SENP7: variants seen among roughly 807,000 people sequenced by gnomAD.
SENP7 encodes SUMO specific peptidase 7, also known as sentrin-specific protease 7.
A neutral mutation model predicts 141.2 loss-of-function variants in SENP7; 64 were observed. The observed-to-expected ratio is 0.45, with a 90% CI of 0.37 to 0.56. SENP7 has a LOEUF of 0.56. Ranked by LOEUF, SENP7 falls within the 20% of genes least tolerant of loss-of-function variation. The pLI, the probability that SENP7 is intolerant of heterozygous loss-of-function variation, is 0.00. For synonymous variants in SENP7, 382 were observed against 426.4 expected, an observed-to-expected ratio of 0.90 and a Z score of 1.28; for missense variants, 1,025 against 1,212.2, an observed-to-expected ratio of 0.85 and a Z score of 2.29.
intron 6 of SENP7, among the ~76,000 whole-genome samples, chr3:101,395,968 A>C (rs2060957203): frequency 6.6e-6 from 1 of 152,210 alleles, no homozygotes; most frequent in African/African-American, 2.4e-5. Context: ...TCATCTCCTT[A>C]TATCTGCACA....
intron 4 of SENP7, among the ~76,000 whole-genome samples, chr3:101,449,332 C>A (rs530167908): frequency 2.0e-5 from 3 of 152,274 alleles, no homozygotes; most frequent in South Asian, 2.1e-4. Flanking sequence ...CCCAATCTAG[C>A]AAGGCAGGCC....
intron 12 of SENP7, among the ~76,000 whole-genome samples, chr3:101,351,315 T>C (rs538140811): frequency 4.3e-4 from 65 of 152,122 alleles, no homozygotes; most frequent in Middle Eastern, 3.4e-3. Context: ...ATTTTCCTTA[T>C]GCTTCTTTTC....
intron 4 of SENP7, among the ~76,000 whole-genome samples, chr3:101,423,688 G>T (rs2061857246): frequency 6.6e-6 from 1 of 152,202 alleles, no homozygotes; most frequent in Admixed American, 6.5e-5. Context: ...ACAGAGACTG[G>T]ATGGAGGGAA....
At chr3:101,352,407 T>C (rs995385911) in intron 11 of SENP7, among the ~76,000 whole-genome samples, 1 of 152,040 alleles carries the variant, frequency 6.6e-6, no homozygotes, top group Non-Finnish European at 1.5e-5. Context: ...ACCGTCTTCA[T>C]TCCTAGCATT....
intron 3 of SENP7, among the ~76,000 whole-genome samples, chr3:101,475,426 C>T (rs1303326004): frequency 1.3e-5 from 2 of 152,160 alleles, no homozygotes; most frequent in East Asian, 3.8e-4. Context: ...AGCTGGAAGC[C>T]GTTATCCTCA....
chr3:101,430,015 C>G (rs1463639060), intron 4 of SENP7, among the ~76,000 whole-genome samples: 1 of 151,012 alleles, frequency 6.6e-6, no homozygotes, highest in African/African-American at 2.4e-5. Flanking sequence ...GTTGAACCAG[C>G]TTTGCATCCC....
At chr3:101,360,930 A>G (rs1485210154) in intron 11 of SENP7, among the ~76,000 whole-genome samples, 2 of 152,188 alleles carry the variant, frequency 1.3e-5, no homozygotes, top group Non-Finnish European at 2.9e-5. Context: ...CTGGCTGGGC[A>G]CAGTGGCTCA....
chr3:101,507,502 CA>C (rs960256932), intron 1 of SENP7, among the ~76,000 whole-genome samples: 2 of 152,308 alleles, frequency 1.3e-5, no homozygotes, highest in Non-Finnish European at 2.9e-5. Context: ...TTTCCAAAGT[CA>C]ATACAGTTTC....
intron 6 of SENP7, among the ~76,000 whole-genome samples, chr3:101,382,574 A>C (rs2060533420): frequency 6.6e-6 from 1 of 152,234 alleles, no homozygotes; most frequent in African/African-American, 2.4e-5. Flanking sequence ...AAAAATCCCA[A>C]TGGGAAGTAA....
chr3:101,398,674 T>A (rs2061043067), intron 6 of SENP7, among the ~76,000 whole-genome samples, 187 bp downstream of exon 6: 1 of 152,170 alleles, frequency 6.6e-6, no homozygotes, highest in South Asian at 2.1e-4. Context: ...CCAGTGCTTC[T>A]GAAACACATT....
chr3:101,435,071 C>T, intron 4 of SENP7, among the ~76,000 whole-genome samples: 1 of 152,098 alleles, frequency 6.6e-6, no homozygotes, highest in East Asian at 1.9e-4. Flanking sequence ...GCTCATTCAT[C>T]ATAACCATGT....
chr3:101,476,698 C>A (rs1024223971), intron 3 of SENP7, among the ~76,000 whole-genome samples: 1 of 152,130 alleles, frequency 6.6e-6, no homozygotes, highest in African/African-American at 2.4e-5. Flanking sequence ...AAGGGTTAAA[C>A]TAACTTACAC....
chr3:101,342,970 T>C lies in SENP7; in HGVS notation c.2106+716A>G, dbSNP rs571915128. Among the ~76,000 whole-genome samples the C allele has an allele frequency of 3.9e-5, 6 of 152,262 alleles. No homozygotes were observed. In the South Asian group the frequency reaches 8.3e-4, roughly 21 times the overall value. ...TGTAAGCCACTGCGTCCGGCCAACC[T>C]TGATACTTCTAAAGAGTACTGGTCA... is the stretch of plus-strand genomic sequence containing the variant. On this transcript the variant is annotated intron_variant, in intron 14 of 23. Transcript: ENST00000394095.
Position 101,351,621 on chromosome 3 carries a change from GA to G in SENP7, c.1653del (p.Gln552LysfsTer4). 7.4e-7 allele frequency: 1 copy of G among 1,355,588 alleles called. No individual in the cohort carries two copies. Among genetic ancestry groups the G allele is most frequent in the Non-Finnish European group, 9.7e-7 (1 of 1,031,368 alleles). The allele number at this position is 1,355,588 out of a possible 1,614,324, so 84.0% of individuals were successfully genotyped here. A position where few individuals can be genotyped will look rare whatever the true frequency, so the allele number is the denominator to read the frequency against. ...TCATAAGAGAATGATAACTTACCTTGAAATGGGATCTTAATATATTTTTTTG... is the reference window on the plus strand; with the variant it reads ...TCATAAGAGAATGATAACTTACCTTGAATGGGATCTTAATATATTTTTTTG... ...TITKKYIKIPFQVSLNEISLL... is the reference protein window; with the variant it reads ...TITKKYIKIPXQVSLNEISLL... On this transcript the variant is annotated frameshift_variant, in exon 12 of 24. Transcript: ENST00000394095. LOFTEE classifies it high-confidence loss of function.
At chr3:101,348,072 C>T in intron 12 of SENP7, 21 bp from the exon 13 acceptor site, 4 of 1,523,480 alleles carry the variant, frequency 2.6e-6, no homozygotes, top group Non-Finnish European at 3.5e-6. Context: ...TAAAAGACAA[C>T]AATTTAAAAA....
chr3:101,335,998 G>A (rs902260539), intron 17 of SENP7, among the ~76,000 whole-genome samples: 4 of 152,134 alleles, frequency 2.6e-5, no homozygotes, highest in Non-Finnish European at 4.4e-5. Flanking sequence ...CCTGGTATAC[G>A]CACTCGTTGT....
intron 3 of SENP7, among the ~76,000 whole-genome samples, chr3:101,470,610 T>TCACCACTCC (rs1343571002): frequency 1.3e-5 from 2 of 152,158 alleles, no homozygotes; most frequent in Non-Finnish European, 2.9e-5. Context: ...ATGCCCTCTC[T>TCACCACTCC]CACCACTCCT....
At chr3:101,328,801 T>C in intron 20 of SENP7, 112 bp from the exon 21 acceptor site, 1 of 768,922 alleles carries the variant, frequency 1.3e-6, no homozygotes, top group Non-Finnish European at 2.1e-6. Context: ...CAAGTAATAG[T>C]TATCTTCATC....
intron 3 of SENP7, among the ~76,000 whole-genome samples, chr3:101,484,375 G>T (rs2064634241): frequency 6.6e-6 from 1 of 152,196 alleles, no homozygotes; most frequent in African/African-American, 2.4e-5. Context: ...AATCATCATG[G>T]TGGACAGGAG....
Sources: gnomAD v4.1 joint callset for allele counts (sites outside exome capture counted in the v4.1 genomes callset) on GRCh38, gnomAD v4.1.1 for gene constraint, MANE v1.5 for transcripts, NCBI Gene and HGNC (gene_info 2026-07-23, HGNC 2026-07-21) for gene names.